Variants in MOBP observed in about 807,000 individuals in gnomAD.
MOBP encodes myelin-associated oligodendrocyte basic protein.
In MOBP, 5 loss-of-function variants were observed where a neutral mutation model predicts 15.0. The observed-to-expected ratio is 0.33, with a 90% CI of 0.17 to 0.70. The LOEUF (loss-of-function observed/expected upper bound fraction) is 0.70, where lower values mean the gene tolerates loss of function less well. MOBP is among the 30% of genes least tolerant of loss of function. The probability of loss-of-function intolerance (pLI) is 0.67; values close to 1 mark genes in which losing one functional copy is unlikely to be tolerated. For synonymous variants in MOBP, 88 were observed against 99.0 expected (o/e 0.89, Z 0.66); for missense variants, 188 against 257.8 (o/e 0.73, Z 1.85).
At chr3:39,481,389 T>C (rs1298884567) in intron 2 of MOBP, among the ~76,000 whole-genome samples, 1 of 152,240 alleles carries the variant, frequency 6.6e-6, no homozygotes. Flanking sequence ...AAGTCTTCTC[T>C]CTTCTAACAA....
intron 2 of MOBP, among the ~76,000 whole-genome samples, chr3:39,495,035 T>C (rs1012186737): frequency 1.3e-5 from 2 of 152,122 alleles, no homozygotes; most frequent in African/African-American, 4.8e-5. Flanking sequence ...ACCTGTGAAG[T>C]TGAGCTGTGG....
At chr3:39,481,024 T>G (rs2042620977) in intron 2 of MOBP, among the ~76,000 whole-genome samples, 1 of 152,218 alleles carries the variant, frequency 6.6e-6, no homozygotes, top group South Asian at 2.1e-4. Flanking sequence ...TCTATCACCT[T>G]TTTCTACCTT....
At chr3:39,477,437 T>C (rs748938847) in intron 1 of MOBP, among the ~76,000 whole-genome samples, 10 of 151,862 alleles carry the variant, frequency 6.6e-5, no homozygotes, top group Admixed American at 3.3e-4. Context: ...CATCTGTTTG[T>C]GGTAATGCTG....
chr3:39,480,308 A>G lies in MOBP; in HGVS notation c.-5+185A>G, dbSNP rs551595774. Reference sequence around the variant, plus strand: ...TCACCCTATTCTAGGTTCTGGGAGCAGAAATATAAAAAAAAATTTTCTCTA... The same window carrying G: ...TCACCCTATTCTAGGTTCTGGGAGCGGAAATATAAAAAAAAATTTTCTCTA... On this transcript the variant is annotated intron_variant, in intron 2 of 3. Coordinates refer to ENST00000684792, the MANE Select transcript of MOBP (RefSeq NM_001393704.1). Among the ~76,000 whole-genome samples the G allele has an allele frequency of 7.2e-5, 11 of 152,322 alleles. No homozygotes were observed. In the South Asian group the frequency reaches 2.3e-3, roughly 32 times the overall value.
At chr3:39,489,694 C>CCCCG (rs10662377) in intron 2 of MOBP, among the ~76,000 whole-genome samples, 22 of 150,888 alleles carry the variant, frequency 1.5e-4, no homozygotes, top group African/African-American at 5.4e-4. Flanking sequence ...GTTCCCCGCC[C>CCCCG]AGCTCCTGTC....
At chr3:39,513,212 T>A (rs551448234) in intron 4 of MOBP, among the ~76,000 whole-genome samples, 57 of 152,336 alleles carry the variant, frequency 3.7e-4, no homozygotes, top group African/African-American at 1.3e-3. Context: ...AATATCATAT[T>A]ATTTTTGGCC....
downstream of MOBP, chr3:39,503,071 A>G (rs1466084196): frequency 2.5e-5 from 13 of 515,746 alleles, no homozygotes; most frequent in South Asian, 2.8e-4. Context: ...CTATTGGTGC[A>G]TACTTCAGGT....
chr3:39,497,696 C>A (rs1439000452), intron 2 of MOBP, among the ~76,000 whole-genome samples: 3 of 152,210 alleles, frequency 2.0e-5, no homozygotes, highest in Non-Finnish European at 4.4e-5. Flanking sequence ...CAATGGTGCT[C>A]AGTAAACTGT....
chr3:39,524,499 A>T (rs1321725538), exon 5 of MOBP: 10 of 152,212 alleles, frequency 6.6e-5, no homozygotes, highest in Admixed American at 6.5e-4. Context: ...CATGTGGAAA[A>T]AAAAAAGATG....
At chr3:39,494,964 G>T (rs1290762020) in intron 2 of MOBP, among the ~76,000 whole-genome samples, 1 of 152,076 alleles carries the variant, frequency 6.6e-6, no homozygotes, top group East Asian at 1.9e-4. Context: ...AAACTCCACA[G>T]TCCTCCAGGA....
chr3:39,483,948 A>G (rs146256647), intron 2 of MOBP, among the ~76,000 whole-genome samples: 110 of 152,348 alleles, frequency 7.2e-4, no homozygotes, highest in African/African-American at 2.5e-3. Flanking sequence ...ATTTTAAGAC[A>G]CTTTCAACCC....
At chr3:39,493,238 G>A (rs537014568) in intron 2 of MOBP, among the ~76,000 whole-genome samples, 2 of 152,294 alleles carry the variant, frequency 1.3e-5, no homozygotes, top group Admixed American at 6.5e-5. Flanking sequence ...AGGGAATGGC[G>A]AAGCTGTGTT....
chr3:39,473,512 C>G (rs1397505021), intron 1 of MOBP, among the ~76,000 whole-genome samples: 1 of 152,156 alleles, frequency 6.6e-6, no homozygotes, highest in Non-Finnish European at 1.5e-5. Flanking sequence ...TCATGGGGCT[C>G]TGAGGCGTAG....
chr3:39,489,896 C>A (rs2042770710), intron 2 of MOBP, among the ~76,000 whole-genome samples: 1 of 152,152 alleles, frequency 6.6e-6, no homozygotes, highest in South Asian at 2.1e-4. Context: ...GAAGTATTTT[C>A]TTATGTCAAT....
chr3:39,483,052 T>C (rs1632166), intron 2 of MOBP, among the ~76,000 whole-genome samples: 54,138 of 152,040 alleles, frequency 0.36, 13,427 homozygotes, highest in African/African-American at 0.71. Flanking sequence ...TCCTTCAAGG[T>C]GCTAGTCAAG....
At chr3:39,490,601 C>T (rs566344854) in intron 2 of MOBP, among the ~76,000 whole-genome samples, 33 of 152,222 alleles carry the variant, frequency 2.2e-4, no homozygotes, top group Admixed American at 1.8e-3. Context: ...CTTGCTCTGT[C>T]ACCCAGGCTG....
At chr3:39,505,977 A>C (rs77516730), downstream of MOBP, among the ~76,000 whole-genome samples, 1 of 152,280 alleles carries the variant, frequency 6.6e-6, no homozygotes, top group African/African-American at 2.4e-5. Flanking sequence ...CCACACGTTC[A>C]TCAGAATATG....
At chr3:39,486,461 C>A (rs1440303538) in intron 2 of MOBP, among the ~76,000 whole-genome samples, 1 of 151,964 alleles carries the variant, frequency 6.6e-6, no homozygotes, top group Non-Finnish European at 1.5e-5. Flanking sequence ...AATAAAAATG[C>A]TCCCTGTGTT....
At chr3:39,509,028 G>A (rs2043084837) in intron 4 of MOBP, among the ~76,000 whole-genome samples, 1 of 151,934 alleles carries the variant, frequency 6.6e-6, no homozygotes, top group Non-Finnish European at 1.5e-5. Context: ...CTATATATGT[G>A]TATGTTTATA....
Sources: allele counts gnomAD v4.1 joint callset (sites outside exome capture counted in the v4.1 genomes callset), GRCh38; gene constraint gnomAD v4.1.1; transcripts MANE v1.5; gene names NCBI Gene and HGNC (gene_info 2026-07-23, HGNC 2026-07-21).